ESR1: variants seen among roughly 807,000 people sequenced by gnomAD.
ESR1 encodes estrogen receptor 1, also known as estrogen receptor.
A neutral mutation model predicts 52.7 loss-of-function variants in ESR1; 12 were observed. That is an observed-to-expected ratio of 0.23 (90% CI 0.15 to 0.37). ESR1 has a LOEUF of 0.37. Ranked by LOEUF, ESR1 falls within the 10% of genes least tolerant of loss-of-function variation. The pLI is 1.00. For missense variants in ESR1, 584 were observed against 779.7 expected (o/e 0.75, Z 2.99); for synonymous variants, 305 against 316.8 (o/e 0.96, Z 0.39).
chr6:152,032,040 C>T (rs1288702564), intron 5 of ESR1, among the ~76,000 whole-genome samples: 5 of 152,120 alleles, frequency 3.3e-5, no homozygotes, highest in African/African-American at 4.8e-5. Context: ...TGACAAAAAC[C>T]ACATGATTAT....
chr6:151,909,155 G>A (rs1400025855), intron 3 of ESR1, among the ~76,000 whole-genome samples: 1 of 152,216 alleles, frequency 6.6e-6, no homozygotes, highest in African/African-American at 2.4e-5. Flanking sequence ...AGCTTAGCTG[G>A]TGAGAGCGTG....
intron 2 of ESR1, among the ~76,000 whole-genome samples, chr6:151,743,435 A>G (rs1783247398): frequency 1.3e-5 from 2 of 152,182 alleles, no homozygotes; most frequent in African/African-American, 4.8e-5. Flanking sequence ...CTTTACTTGC[A>G]CTTATAAATC....
At chr6:151,754,811 A>C (rs1784156576) in intron 2 of ESR1, among the ~76,000 whole-genome samples, 1 of 152,116 alleles carries the variant, frequency 6.6e-6, no homozygotes, top group Non-Finnish European at 1.5e-5. Context: ...GGCTTCAAAC[A>C]CCACCTATCA....
At chr6:151,977,662 G>A (rs992345527) in intron 4 of ESR1, among the ~76,000 whole-genome samples, 2 of 151,974 alleles carry the variant, frequency 1.3e-5, no homozygotes, top group Admixed American at 6.6e-5. Flanking sequence ...TAGAGTGGTG[G>A]TGGGTGCCTG....
At chr6:152,046,430 T>C (rs2046234088) in intron 5 of ESR1, among the ~76,000 whole-genome samples, 1 of 152,134 alleles carries the variant, frequency 6.6e-6, no homozygotes, top group South Asian at 2.1e-4. Flanking sequence ...AGAAAAAAAT[T>C]AAAGTGCACT....
At chr6:152,006,185 A>C (rs2042317378) in intron 4 of ESR1, among the ~76,000 whole-genome samples, 1 of 152,058 alleles carries the variant, frequency 6.6e-6, no homozygotes, top group South Asian at 2.1e-4. Context: ...TATTTTGGTG[A>C]TGGATGTTGC....
intron 1 of ESR1, among the ~76,000 whole-genome samples, chr6:151,669,189 ATGGG>A (rs67513894): frequency 0.05 from 4,328 of 86,630 alleles, 360 homozygotes; most frequent in Non-Finnish European, 0.075. Context: ...AGAGAGAGAG[ATGGG>A]AATCCAGGGG....
upstream of ESR1, among the ~76,000 whole-genome samples, chr6:151,802,709 C>A (rs1479821985): frequency 1.3e-5 from 2 of 152,134 alleles, no homozygotes; most frequent in African/African-American, 4.8e-5. Context: ...TTTTGAAAGA[C>A]CGGGCGTGAT....
At chr6:151,782,872 C>T (rs1213058129) in intron 2 of ESR1, among the ~76,000 whole-genome samples, 2 of 152,162 alleles carry the variant, frequency 1.3e-5, no homozygotes, top group African/African-American at 4.8e-5. Flanking sequence ...TCCCATACTC[C>T]ACATCTGCTC....
chr6:152,103,886 G>T (rs2051027598), downstream of ESR1, among the ~76,000 whole-genome samples: 1 of 150,480 alleles, frequency 6.6e-6, no homozygotes. Flanking sequence ...TTTAACTGAT[G>T]AATTGGGAGG....
intron 1 of ESR1, among the ~76,000 whole-genome samples, chr6:151,830,293 TCTC>T (rs1782188330): frequency 6.6e-6 from 1 of 152,056 alleles, no homozygotes; most frequent in African/African-American, 2.4e-5. Flanking sequence ...CCCCTTCTCT[TCTC>T]CTCCATTTGT....
At position 151,819,090 on chromosome 6, in the gene ESR1, C is replaced by G. The variant is rs904438794; in HGVS notation, c.452+10726C>G. 2.0e-5 allele frequency among the ~76,000 whole-genome samples: 3 copies of G among 152,242 alleles called. 1 individual carries two copies. In the East Asian group the frequency reaches 5.8e-4, roughly 29 times the overall value. On this transcript the variant is annotated intron_variant, in intron 1 of 7. Transcript: ENST00000206249. ...GTGATCTTCATCTGTACCATGTACC[C>G]TTCTTTCTTCTTGTTCCATCTCTGT...
chr6:151,782,787 A>G (rs138163772), intron 2 of ESR1, among the ~76,000 whole-genome samples: 2 of 152,366 alleles, frequency 1.3e-5, no homozygotes, highest in African/African-American at 4.8e-5. Context: ...CAAATGTGGA[A>G]AAATGTTAAG....
intron 6 of ESR1, among the ~76,000 whole-genome samples, chr6:152,120,133 C>T (rs2051273167): frequency 6.6e-6 from 1 of 152,218 alleles, no homozygotes; most frequent in South Asian, 2.1e-4. Flanking sequence ...AGTCAGTTGA[C>T]AGTGATGTGG....
intron 2 of ESR1, among the ~76,000 whole-genome samples, chr6:151,850,731 G>C (rs573501900): frequency 2.8e-4 from 42 of 152,156 alleles, no homozygotes; most frequent in African/African-American, 9.2e-4. Flanking sequence ...CTTCAAACTG[G>C]GGAGTTAGTT....
At chr6:151,939,745 A>G (rs896818269) in intron 3 of ESR1, among the ~76,000 whole-genome samples, 8 of 152,124 alleles carry the variant, frequency 5.3e-5, no homozygotes, top group South Asian at 2.1e-4. Flanking sequence ...GGATCCTATC[A>G]CATGCAGTTG....
At chr6:151,839,641 A>G (rs1783956555) in intron 1 of ESR1, among the ~76,000 whole-genome samples, 1 of 152,242 alleles carries the variant, frequency 6.6e-6, no homozygotes, top group African/African-American at 2.4e-5. Flanking sequence ...TAGTATATAC[A>G]GACAATGGCA....
At chr6:152,023,771 G>A (rs773926317) in intron 5 of ESR1, among the ~76,000 whole-genome samples, 2 of 152,074 alleles carry the variant, frequency 1.3e-5, no homozygotes, top group Non-Finnish European at 2.9e-5. Flanking sequence ...TAGCTGTCTG[G>A]ATATATCTGA....
At chr6:151,839,799 G>A (rs536549702) in intron 1 of ESR1, among the ~76,000 whole-genome samples, 1 of 152,230 alleles carries the variant, frequency 6.6e-6, no homozygotes, top group Non-Finnish European at 1.5e-5. Flanking sequence ...TAGGGGATAG[G>A]GGAAGGAGAA....
Sources: gnomAD v4.1 joint callset for allele counts (sites outside exome capture counted in the v4.1 genomes callset) on GRCh38, gnomAD v4.1.1 for gene constraint, MANE v1.5 for transcripts, NCBI Gene and HGNC (gene_info 2026-07-23, HGNC 2026-07-21) for gene names.